ANO10: variants seen among roughly 807,000 people sequenced by gnomAD.
ANO10 encodes the protein anoctamin-10.
A neutral mutation model predicts 74.7 loss-of-function variants in ANO10; 77 were observed. That is an observed-to-expected ratio of 1.03 (90% CI 0.86 to 1.25). The LOEUF is 1.25. ANO10 is among the 50% of genes most tolerant of loss of function. The pLI is 0.00. For synonymous variants in ANO10, 279 were observed against 284.9 expected (o/e 0.98, Z 0.21); for missense variants, 721 against 778.1 (o/e 0.93, Z 0.87).
intron 7 of ANO10, among the ~76,000 whole-genome samples, chr3:43,568,934 G>A (rs1363311289): frequency 2.0e-4 from 29 of 147,060 alleles, no homozygotes; most frequent in Admixed American, 4.7e-4. Flanking sequence ...TTGATAGACC[G>A]CTAGCAAGAC....
chr3:43,374,576 ACCC>A (rs1483542558), intron 12 of ANO10, among the ~76,000 whole-genome samples: 37 of 151,998 alleles, frequency 2.4e-4, no homozygotes, highest in Admixed American at 2.1e-3. Context: ...TAATAATATC[ACCC>A]AACTATCCAC....
chr3:43,424,655 G>C (rs552059261), intron 12 of ANO10: 3 of 152,124 alleles, frequency 2.0e-5, no homozygotes, highest in Non-Finnish European at 4.4e-5. Context: ...CCAATTAGTC[G>C]GTACTCCCCA....
chr3:43,451,229 C>A (rs1303297093), intron 11 of ANO10, among the ~76,000 whole-genome samples: 1 of 152,166 alleles, frequency 6.6e-6, no homozygotes, highest in Non-Finnish European at 1.5e-5. Flanking sequence ...GAATTATTCT[C>A]CCAGCTGCTG....
intron 12 of ANO10, among the ~76,000 whole-genome samples, chr3:43,399,467 A>G (rs1001594580): frequency 3.9e-5 from 6 of 151,968 alleles, no homozygotes; most frequent in South Asian, 2.1e-4. Flanking sequence ...GTCTGTCTCT[A>G]TTGGGGCTCT....
intron 11 of ANO10, among the ~76,000 whole-genome samples, chr3:43,521,352 A>G (rs1266310589): frequency 6.6e-6 from 1 of 152,206 alleles, no homozygotes; most frequent in Non-Finnish European, 1.5e-5. Context: ...GCTGCTGTCA[A>G]GCCTTTAATG....
chr3:43,541,243 GACTTCTATGACA>G (rs1276302099), intron 11 of ANO10, among the ~76,000 whole-genome samples: 4 of 152,202 alleles, frequency 2.6e-5, no homozygotes, highest in African/African-American at 9.7e-5. Context: ...TAGGTGAAGA[GACTTCTATGACA>G]ACAGATTGTT....
intron 4 of ANO10, among the ~76,000 whole-genome samples, chr3:43,583,754 G>A (rs1273515518): frequency 6.6e-6 from 1 of 152,212 alleles, no homozygotes; most frequent in Non-Finnish European, 1.5e-5. Flanking sequence ...AGCTGCTGCT[G>A]CACCTAGTAC....
At chr3:43,605,576 T>A (rs976615219) in intron 2 of ANO10, 138 bp downstream of exon 2, 1 of 1,173,020 alleles carries the variant, frequency 8.5e-7, no homozygotes, top group Non-Finnish European at 1.2e-6. Context: ...AAATTTAACA[T>A]TAGTAAATAA....
intron 12 of ANO10, among the ~76,000 whole-genome samples, chr3:43,415,165 T>C (rs950189409): frequency 6.6e-6 from 1 of 151,578 alleles, no homozygotes; most frequent in African/African-American, 2.4e-5. Flanking sequence ...TTAGTGGAAA[T>C]GGGGTTTCAC....
At chr3:43,385,241 A>G (rs898956038) in intron 12 of ANO10, among the ~76,000 whole-genome samples, 11 of 152,200 alleles carry the variant, frequency 7.2e-5, no homozygotes, top group Non-Finnish European at 1.5e-4. Context: ...GAATGGCCAT[A>G]ATCAAAAAAT....
In ANO10 at chr3:43,576,843, G is replaced by A. The variant is rs373827579; in HGVS notation, c.1011C>T (p.Phe337=). The A allele has an allele frequency of 1.3e-4, 209 of 1,614,138 alleles. No individual in the cohort carries two copies. Among genetic ancestry groups the A allele is most frequent in the Admixed American group, 7.2e-4 (43 of 60,018 alleles). The part of the protein sequence containing the change: ...YFSLYVMMIY[F]DMEVWALGLH... ...GACCCAAGGCCCAAACCTCCATGTC[G>A]AAGTAAATCATCATGACATACAGTG... The change falls in exon 6 of 13, where the codon TTC becomes TTT. Residue 337 remains phenylalanine, a synonymous_variant. Transcript: ENST00000292246.
At chr3:43,652,014 A>G (rs1190742152) in intron 1 of ANO10, among the ~76,000 whole-genome samples, 1 of 152,178 alleles carries the variant, frequency 6.6e-6, no homozygotes, top group Admixed American at 6.5e-5. Flanking sequence ...ATTAACAGAA[A>G]TATATTCCAT....
intron 12 of ANO10, among the ~76,000 whole-genome samples, chr3:43,376,580 G>T (rs2091814848): frequency 2.0e-5 from 3 of 152,130 alleles, no homozygotes; most frequent in Non-Finnish European, 2.9e-5. Flanking sequence ...ATAGGTAAGA[G>T]GGCAACAAAG....
intron 12 of ANO10, among the ~76,000 whole-genome samples, chr3:43,395,969 C>T (rs1248306012): frequency 1.3e-5 from 2 of 152,210 alleles, no homozygotes; most frequent in East Asian, 3.9e-4. Context: ...CTTCTAGTTT[C>T]TGCAGATCCA....
intron 11 of ANO10, among the ~76,000 whole-genome samples, chr3:43,434,248 G>A (rs929732559): frequency 6.6e-5 from 10 of 152,190 alleles, no homozygotes; most frequent in Non-Finnish European, 1.3e-4. Flanking sequence ...GATGACACTG[G>A]AAGATACTGA....
chr3:43,463,998 T>G (rs1287515195), intron 11 of ANO10, among the ~76,000 whole-genome samples: 5 of 152,118 alleles, frequency 3.3e-5, no homozygotes, highest in African/African-American at 9.7e-5. Context: ...CGGCACAAGC[T>G]CTCTCTCTTT....
intron 12 of ANO10, among the ~76,000 whole-genome samples, chr3:43,395,737 A>G (rs909571736): frequency 1.3e-5 from 2 of 151,708 alleles, no homozygotes; most frequent in Non-Finnish European, 2.9e-5. Flanking sequence ...TTGCATTTCC[A>G]TATGAATTTT....
intron 12 of ANO10, among the ~76,000 whole-genome samples, chr3:43,411,890 A>G (rs1375207675): frequency 6.6e-6 from 1 of 152,170 alleles, no homozygotes; most frequent in Middle Eastern, 3.4e-3. Context: ...TAATTAACTC[A>G]CAAAGACTTA....
chr3:43,372,258 G>A (rs960007742), intron 12 of ANO10, among the ~76,000 whole-genome samples: 2 of 151,904 alleles, frequency 1.3e-5, no homozygotes, highest in African/African-American at 2.4e-5. Context: ...CTGCTCCCCC[G>A]GCCCAGCCCC....
Sources: allele counts gnomAD v4.1 joint callset (sites outside exome capture counted in the v4.1 genomes callset), GRCh38; gene constraint gnomAD v4.1.1; transcripts MANE v1.5; gene names NCBI Gene and HGNC (gene_info 2026-07-23, HGNC 2026-07-21).